The following CIT variants were observed in gnomAD, a reference collection of about 807,000 sequenced individuals.
The protein encoded by CIT is citron rho-interacting serine/threonine kinase.
Under a neutral mutation model 272.7 loss-of-function variants are expected in CIT, and 79 were observed. That is an observed-to-expected ratio of 0.29 (90% confidence interval 0.24 to 0.35). The LOEUF is 0.35. Among genes scored for constraint, CIT ranks in the 10% least tolerant of loss-of-function variants. The pLI, the probability that CIT is intolerant of heterozygous loss-of-function variation, is 1.00. For missense variants in CIT, 1,909 were observed against 2,618.3 expected, an observed-to-expected ratio of 0.73 and a Z score of 5.91; for synonymous variants, 948 against 995.6, an observed-to-expected ratio of 0.95 and a Z score of 0.90.
intron 46 of CIT, among the ~76,000 whole-genome samples, chr12:119,691,171 CAAAA>C (rs35222584): frequency 1.4e-5 from 1 of 70,270 alleles, no homozygotes; most frequent in Admixed American, 1.6e-4. Context: ...GACTCCGTCT[CAAAA>C]AAAAAAAAAA....
chr12:119,781,450 G>A (rs998449738), intron 13 of CIT, among the ~76,000 whole-genome samples: 4 of 152,172 alleles, frequency 2.6e-5, no homozygotes, highest in African/African-American at 9.7e-5. Flanking sequence ...GTGCTACCCA[G>A]AGACAGAAAT....
intron 23 of CIT, 115 bp downstream of exon 23, chr12:119,751,935 G>T: frequency 2.2e-6 from 2 of 918,912 alleles, no homozygotes; most frequent in South Asian, 1.9e-5. Context: ...TATCTTTGTG[G>T]ATCATGTTTT....
chr12:119,730,311 C>T (rs1198964054), intron 27 of CIT, among the ~76,000 whole-genome samples, 184 bp downstream of exon 27: 3 of 152,012 alleles, frequency 2.0e-5, no homozygotes, highest in African/African-American at 7.2e-5. Flanking sequence ...ACCGCACCCA[C>T]CCACGCTACT....
chr12:119,701,498 G>A (rs957458783), intron 43 of CIT, 126 bp downstream of exon 43: 2 of 1,067,882 alleles, frequency 1.9e-6, no homozygotes, highest in Non-Finnish European at 2.7e-6. Flanking sequence ...GGTGCTGGAA[G>A]GACATTCTCT....
rs770669686 is a variant in CIT, at chr12:119,688,100, G to A, written c.*132C>T. On this transcript the variant is annotated 3_prime_UTR_variant, in exon 48 of 48. Coordinates refer to ENST00000392521, the MANE Select transcript of CIT (RefSeq NM_001206999.2). ...TGGAGACAGGGGTGTCCGTGCCGAG[G>A]TGGGTCTGGGCCCCGCTGAGCCAGA... The A allele has an allele frequency of 1.7e-4, 160 of 952,734 alleles. No homozygotes were observed. Among genetic ancestry groups the A allele is most frequent in the Non-Finnish European group, 2.5e-4 (146 of 592,566 alleles). 59.0% of individuals were successfully genotyped at this position (952,734 alleles called of 1,614,324 possible).
At chr12:119,703,351 CA>C (rs569229002) in intron 41 of CIT, among the ~76,000 whole-genome samples, 1 of 152,170 alleles carries the variant, frequency 6.6e-6, no homozygotes, top group East Asian at 1.9e-4. Flanking sequence ...AAACTAACAC[CA>C]CCCTGCCCAG....
intron 23 of CIT, among the ~76,000 whole-genome samples, chr12:119,745,765 T>C (rs1959293895): frequency 6.6e-6 from 1 of 152,154 alleles, no homozygotes; most frequent in African/African-American, 2.4e-5. Flanking sequence ...TATCAAAATG[T>C]CACATGTATC....
intron 16 of CIT, among the ~76,000 whole-genome samples, chr12:119,775,515 C>T (rs914331634): frequency 4.6e-5 from 7 of 152,202 alleles, no homozygotes; most frequent in African/African-American, 1.4e-4. Flanking sequence ...AGATGCAGGC[C>T]TCTTGGGTTC....
At chr12:119,701,294 A>G (rs1956556549) in intron 43 of CIT, among the ~76,000 whole-genome samples, 1 of 147,154 alleles carries the variant, frequency 6.8e-6, no homozygotes. Context: ...AAAGAAAAGG[A>G]CAGATAGAAG....
chr12:119,767,873 T>C (rs2137557603), intron 18 of CIT, among the ~76,000 whole-genome samples: 1 of 152,100 alleles, frequency 6.6e-6, no homozygotes, highest in East Asian at 1.9e-4. Context: ...ATAGCCTACA[T>C]TTAATGTTCT....
intron 28 of CIT, among the ~76,000 whole-genome samples, chr12:119,726,577 A>G (rs1367584023): frequency 6.6e-6 from 1 of 151,904 alleles, no homozygotes; most frequent in Non-Finnish European, 1.5e-5. Context: ...CAGCATAACA[A>G]TATTATTTCT....
At chr12:119,811,519 A>G (rs941529172) in intron 9 of CIT, among the ~76,000 whole-genome samples, 2 of 152,214 alleles carry the variant, frequency 1.3e-5, no homozygotes, top group African/African-American at 4.8e-5. Flanking sequence ...CCTTCCATCA[A>G]TCAATCTAAA....
intron 28 of CIT, among the ~76,000 whole-genome samples, chr12:119,727,040 A>G (rs1442106570): frequency 6.6e-6 from 1 of 152,210 alleles, no homozygotes; most frequent in African/African-American, 2.4e-5. Context: ...ATTTGCATGG[A>G]TGTCCTATCG....
chr12:119,768,650 A>G lies in CIT; in HGVS notation c.2209-1468T>C, dbSNP rs146222113. Among the ~76,000 whole-genome samples, 12 of 152,338 alleles carry G rather than the reference A, an allele frequency of 7.9e-5. No individual in the cohort carries two copies. The highest frequency in any genetic ancestry group is 5.2e-4 in the Admixed American group (8 of 15,304). Reference sequence around the variant, plus strand: ...GACCAGGTGCACAAGATCTACTGCAATTCAATAGATGTGATCTTGAAGAGT... The same window carrying G: ...GACCAGGTGCACAAGATCTACTGCAGTTCAATAGATGTGATCTTGAAGAGT... On this transcript the variant is annotated intron_variant, in intron 18 of 47. Transcript: ENST00000392521. The surrounding 1 kb of genome is among the most constrained non-coding windows in gnomAD (Gnocchi z 4.3).
intron 3 of CIT, among the ~76,000 whole-genome samples, chr12:119,858,821 C>CAA (rs58888016): frequency 1.8e-4 from 25 of 135,912 alleles, no homozygotes; most frequent in African/African-American, 5.6e-4. Flanking sequence ...GACTCCATCT[C>CAA]AAAAAAAAAA....
At chr12:119,782,751 G>A (rs1395741148) in intron 12 of CIT, 114 bp from the exon 13 acceptor site, 8 of 1,291,164 alleles carry the variant, frequency 6.2e-6, no homozygotes, top group East Asian at 2.5e-5. Flanking sequence ...TTCGAGTGAC[G>A]GACCACAGTT....
chr12:119,849,184 T>C (rs935446768), intron 5 of CIT, among the ~76,000 whole-genome samples: 2 of 152,192 alleles, frequency 1.3e-5, no homozygotes, highest in Non-Finnish European at 2.9e-5. Flanking sequence ...CACAACACTT[T>C]GGGAGGCCGA....
At chr12:119,717,387 T>G (rs183141112) in intron 32 of CIT, among the ~76,000 whole-genome samples, 1 of 150,646 alleles carries the variant, frequency 6.6e-6, no homozygotes, top group Non-Finnish European at 1.5e-5. Flanking sequence ...AGAGATGTGC[T>G]TATTTTTTCA....
At chr12:119,731,215 C>T (rs1958418411) in intron 26 of CIT, among the ~76,000 whole-genome samples, 1 of 152,076 alleles carries the variant, frequency 6.6e-6, no homozygotes. Context: ...TGGCTCACGC[C>T]TGTAATCCCA....
Sources: gnomAD v4.1 joint callset for allele counts (sites outside exome capture counted in the v4.1 genomes callset) on GRCh38, gnomAD v4.1.1 for gene constraint, Gnocchi (gnomAD v3.1) non-coding constraint, MANE v1.5 for transcripts, NCBI Gene and HGNC (gene_info 2026-07-23, HGNC 2026-07-21) for gene names.